The following DLG2 variants were observed in gnomAD, a reference collection of about 807,000 sequenced individuals.
DLG2 encodes the protein disks large homolog 2.
A neutral mutation model predicts 132.5 loss-of-function variants in DLG2; 45 were observed. The observed-to-expected ratio is 0.34, with a 90% CI of 0.27 to 0.44. The LOEUF (loss-of-function observed/expected upper bound fraction) is 0.44, where lower values mean the gene tolerates loss of function less well. Ranked by LOEUF, DLG2 falls within the 20% of genes least tolerant of loss-of-function variation. The probability of loss-of-function intolerance (pLI) is 1.00; values close to 1 mark genes in which losing one functional copy is unlikely to be tolerated. For missense variants in DLG2, 1,045 were observed against 1,196.9 expected (o/e 0.87, Z 1.87); for synonymous variants, 424 against 419.6 (o/e 1.01, Z -0.13).
intron 6 of DLG2, among the ~76,000 whole-genome samples, chr11:84,827,077 C>T (rs1175029391): frequency 2.6e-5 from 4 of 151,840 alleles, no homozygotes; most frequent in Admixed American, 2.0e-4. Flanking sequence ...AAACCACCTG[C>T]TTCATCACTA....
At chr11:83,529,603 C>T (rs1190900085) in intron 21 of DLG2, among the ~76,000 whole-genome samples, 1 of 151,662 alleles carries the variant, frequency 6.6e-6, no homozygotes, top group Admixed American at 6.6e-5. Context: ...TCATTTATGG[C>T]CTCAGAATCC....
chr11:84,577,496 G>C (rs2099504241), intron 6 of DLG2, among the ~76,000 whole-genome samples: 1 of 152,212 alleles, frequency 6.6e-6, no homozygotes, highest in East Asian at 1.9e-4. Context: ...TTTGGAACTG[G>C]AGTAAAGGTA....
chr11:83,654,921 T>C (rs144165961), intron 18 of DLG2, among the ~76,000 whole-genome samples: 1 of 152,214 alleles, frequency 6.6e-6, no homozygotes, highest in Admixed American at 6.5e-5. Flanking sequence ...TGGGGACTGG[T>C]CCAGGTGCAG....
intron 7 of DLG2, among the ~76,000 whole-genome samples, chr11:84,278,213 TC>T (rs1246507153): frequency 1.3e-5 from 2 of 151,754 alleles, no homozygotes; most frequent in Non-Finnish European, 2.9e-5. Flanking sequence ...AACAACTTTT[TC>T]CCCCCAAAAA....
chr11:84,160,249 T>C (rs1042951772), intron 9 of DLG2, among the ~76,000 whole-genome samples: 1 of 152,008 alleles, frequency 6.6e-6, no homozygotes, highest in Non-Finnish European at 1.5e-5. Context: ...CTGAAACCTT[T>C]AGAGGAGGAG....
chr11:85,376,963 C>T (rs1428716349), intron 3 of DLG2, among the ~76,000 whole-genome samples: 2 of 152,152 alleles, frequency 1.3e-5, no homozygotes, highest in African/African-American at 2.4e-5. Flanking sequence ...TACTATATGT[C>T]AGGCACTCTT....
intron 14 of DLG2, among the ~76,000 whole-genome samples, chr11:83,955,322 A>G (rs2086553726): frequency 6.6e-6 from 1 of 152,134 alleles, no homozygotes; most frequent in African/African-American, 2.4e-5. Flanking sequence ...CACACACCTA[A>G]TCACTCTGTT....
In DLG2 at chr11:85,426,318, C is replaced by T. The variant is rs372485012; in HGVS notation, c.41-140953G>A. 2.6e-5 allele frequency among the ~76,000 whole-genome samples: 4 copies of T among 152,308 alleles called. No individual in the cohort carries two copies. In the South Asian group the frequency reaches 8.3e-4, roughly 32 times the overall value. ...ACGCAGTTGGACATCTGAGAACGGA[C>T]AGACTGCCTCCCCAAGTGGGTCCCT... is the stretch of plus-strand genomic sequence containing the variant. On this transcript the variant is annotated intron_variant, in intron 3 of 27. Transcript: ENST00000376104.
At chr11:85,392,684 G>A (rs981964249) in intron 3 of DLG2, among the ~76,000 whole-genome samples, 4 of 152,102 alleles carry the variant, frequency 2.6e-5, no homozygotes, top group Admixed American at 2.6e-4. Flanking sequence ...ACAGTCACCT[G>A]ATCTTCAACA....
intron 3 of DLG2, among the ~76,000 whole-genome samples, chr11:85,289,662 T>C (rs2078771471): frequency 6.6e-6 from 1 of 152,148 alleles, no homozygotes; most frequent in Non-Finnish European, 1.5e-5. Flanking sequence ...CCTTACGACA[T>C]ACCTGCTTTG....
chr11:84,845,339 A>C (rs1293414193), intron 6 of DLG2, among the ~76,000 whole-genome samples: 1 of 152,180 alleles, frequency 6.6e-6, no homozygotes, highest in Non-Finnish European at 1.5e-5. Context: ...ATTATGGGCC[A>C]GGTACAATTT....
chr11:84,134,126 T>C (rs2094517272), intron 9 of DLG2, among the ~76,000 whole-genome samples: 1 of 152,048 alleles, frequency 6.6e-6, no homozygotes. Flanking sequence ...CAAGGAGCTC[T>C]AGTTGAGCAC....
chr11:84,618,817 A>G (rs2099608979), intron 6 of DLG2, among the ~76,000 whole-genome samples: 1 of 152,132 alleles, frequency 6.6e-6, no homozygotes, highest in African/African-American at 2.4e-5. Flanking sequence ...CAACAGATGT[A>G]GACTTACAAG....
chr11:85,068,194 C>T (rs1397906240), intron 6 of DLG2, among the ~76,000 whole-genome samples: 2 of 152,074 alleles, frequency 1.3e-5, no homozygotes, highest in African/African-American at 4.8e-5. Flanking sequence ...CAGCCAATAT[C>T]ATACTGAATG....
chr11:84,462,028 G>A (rs952665253), intron 7 of DLG2, among the ~76,000 whole-genome samples: 12 of 150,886 alleles, frequency 8.0e-5, no homozygotes, highest in Admixed American at 6.0e-4. Flanking sequence ...TGTCATCAAC[G>A]TTAAGTAGAT....
At chr11:85,164,806 G>A (rs1258741766) in intron 4 of DLG2, among the ~76,000 whole-genome samples, 3 of 152,110 alleles carry the variant, frequency 2.0e-5, no homozygotes, top group Non-Finnish European at 2.9e-5. Context: ...TATTTTCTGG[G>A]TAAGAAAACA....
At chr11:83,706,020 C>T (rs2083892365) in intron 18 of DLG2, among the ~76,000 whole-genome samples, 1 of 152,032 alleles carries the variant, frequency 6.6e-6, no homozygotes, top group African/African-American at 2.4e-5. Context: ...AGATTGAGAC[C>T]ATCCTGGCCA....
chr11:84,642,117 A>AGC (rs1555124571), intron 6 of DLG2, among the ~76,000 whole-genome samples: 4 of 138,734 alleles, frequency 2.9e-5, no homozygotes, highest in Non-Finnish European at 6.3e-5. Context: ...GTATATGTAG[A>AGC]GTGTGTGTGT....
chr11:84,162,625 G>C (rs1000899213), intron 9 of DLG2, among the ~76,000 whole-genome samples: 1 of 152,066 alleles, frequency 6.6e-6, no homozygotes. Context: ...CTGGGTCAAA[G>C]AGTGTATTCA....
Sources: allele counts gnomAD v4.1 joint callset (sites outside exome capture counted in the v4.1 genomes callset), GRCh38; gene constraint gnomAD v4.1.1; transcripts MANE v1.5; gene names NCBI Gene and HGNC (gene_info 2026-07-23, HGNC 2026-07-21).